The following FBXL17 variants were observed in gnomAD, a reference collection of about 807,000 sequenced individuals.
FBXL17 encodes F-box and leucine rich repeat protein 17.
Under a neutral mutation model 66.2 loss-of-function variants are expected in FBXL17, and 22 were observed. The ratio of observed to expected loss-of-function variants is 0.33; its 90% CI spans 0.24 to 0.47. The LOEUF is 0.47. Among genes scored for constraint, FBXL17 ranks in the 20% least tolerant of loss-of-function variants. The pLI, the probability that FBXL17 is intolerant of heterozygous loss-of-function variation, is 1.00. For synonymous variants in FBXL17, 474 were observed against 400.5 expected, an observed-to-expected ratio of 1.18 and a Z score of -2.19; for missense variants, 878 against 948.2, an observed-to-expected ratio of 0.93 and a Z score of 0.97.
chr5:108,170,077 C>G (rs550538161), intron 6 of FBXL17, among the ~76,000 whole-genome samples: 25 of 152,034 alleles, frequency 1.6e-4, no homozygotes, highest in Non-Finnish European at 2.9e-4. Context: ...TATATTCACA[C>G]ATAGCAAAAT....
intron 5 of FBXL17, among the ~76,000 whole-genome samples, chr5:108,211,936 T>G (rs972518574): frequency 6.6e-6 from 1 of 152,150 alleles, no homozygotes; most frequent in African/African-American, 2.4e-5. Flanking sequence ...CAACTTGGTT[T>G]CATTCTCCCC....
At chr5:108,175,406 A>C (rs34387) in intron 6 of FBXL17, among the ~76,000 whole-genome samples, 118,645 of 152,148 alleles carry the variant, frequency 0.78, 47,070 homozygotes, top group East Asian at 0.93. Flanking sequence ...ATTACAATCA[A>C]CATTATTATT....
chr5:108,199,356 T>C (rs1042941882), intron 5 of FBXL17, among the ~76,000 whole-genome samples: 2 of 152,208 alleles, frequency 1.3e-5, no homozygotes, highest in African/African-American at 4.8e-5. Context: ...GTTAACTTCT[T>C]TAGTCAAATA....
At chr5:108,376,970 A>T (rs952035395) in intron 1 of FBXL17, among the ~76,000 whole-genome samples, 2 of 152,032 alleles carry the variant, frequency 1.3e-5, no homozygotes, top group African/African-American at 2.4e-5. Context: ...GTCTGGCCCT[A>T]AACTGTGGAA....
intron 6 of FBXL17, among the ~76,000 whole-genome samples, chr5:108,108,388 G>C (rs1221486300): frequency 2.0e-5 from 3 of 152,178 alleles, no homozygotes; most frequent in East Asian, 1.9e-4. Flanking sequence ...TAAACAATCA[G>C]ATGAACCTTA....
intron 4 of FBXL17, among the ~76,000 whole-genome samples, chr5:108,334,239 T>C (rs1760270516): frequency 6.6e-6 from 1 of 152,222 alleles, no homozygotes; most frequent in Non-Finnish European, 1.5e-5. Context: ...TGACTTCTAA[T>C]TCACTGTACA....
At position 108,154,385 on chromosome 5, in the gene FBXL17, G is replaced by A. The variant is rs187453424; in HGVS notation, c.1745+31732C>T. Among the ~76,000 whole-genome samples the A allele has an allele frequency of 3.0e-3, 456 of 150,650 alleles. 3 individuals are homozygous for A. Among genetic ancestry groups the A allele is most frequent in the African/African-American group, 0.011 (443 of 41,084 alleles). Reference sequence around the variant, plus strand: ...GAGGCAGGCGGATCACCTGAGGTCAGGAGTTCGAGACCAGCCTCAACATGG... The same window carrying A: ...GAGGCAGGCGGATCACCTGAGGTCAAGAGTTCGAGACCAGCCTCAACATGG... On this transcript the variant is annotated intron_variant, in intron 6 of 8. Transcript: ENST00000542267.
At chr5:108,301,740 AC>A (rs147811460) in intron 4 of FBXL17, among the ~76,000 whole-genome samples, 1,639 of 151,880 alleles carry the variant, frequency 0.011, 15 homozygotes, top group Non-Finnish European at 0.016. Context: ...ATAACTATCC[AC>A]CAAGAGACAG....
At chr5:108,163,404 T>TTC (rs1409132454) in intron 6 of FBXL17, among the ~76,000 whole-genome samples, 752 of 72,720 alleles carry the variant, frequency 0.01, 6 homozygotes, top group African/African-American at 0.022. Flanking sequence ...TTTTTCTTTT[T>TTC]TTTTTTTTTT....
intron 6 of FBXL17, among the ~76,000 whole-genome samples, chr5:108,157,969 A>G (rs1047277353): frequency 6.6e-6 from 1 of 152,122 alleles, no homozygotes; most frequent in African/African-American, 2.4e-5. Flanking sequence ...AGTTCACAGA[A>G]AAAGCAAGAA....
At chr5:107,966,859 T>A (rs1752162426) in intron 7 of FBXL17, among the ~76,000 whole-genome samples, 1 of 152,122 alleles carries the variant, frequency 6.6e-6, no homozygotes, top group East Asian at 1.9e-4. Flanking sequence ...GTTTTAGGAG[T>A]ACGGTGATCT....
chr5:108,235,914 G>C (rs1370101326), intron 4 of FBXL17, among the ~76,000 whole-genome samples: 6 of 152,176 alleles, frequency 3.9e-5, no homozygotes, highest in African/African-American at 9.6e-5. Context: ...AAGAAAAACA[G>C]AACTATTGAT....
At chr5:107,903,597 G>T (rs1749645256) in intron 7 of FBXL17, among the ~76,000 whole-genome samples, 1 of 152,108 alleles carries the variant, frequency 6.6e-6, no homozygotes, top group South Asian at 2.1e-4. Flanking sequence ...TTCACATTGA[G>T]GTCTGCCTGG....
chr5:108,216,641 C>T (rs1754609774), intron 5 of FBXL17, among the ~76,000 whole-genome samples: 1 of 151,882 alleles, frequency 6.6e-6, no homozygotes, highest in Admixed American at 6.6e-5. Flanking sequence ...TATGCCTTAC[C>T]TCATATACTG....
chr5:108,202,039 G>A (rs1380798391), intron 5 of FBXL17, among the ~76,000 whole-genome samples: 1 of 151,960 alleles, frequency 6.6e-6, no homozygotes, highest in Non-Finnish European at 1.5e-5. Context: ...GATAATATAA[G>A]CAAAGCAAAA....
intron 5 of FBXL17, among the ~76,000 whole-genome samples, chr5:108,206,879 C>T (rs1316861023): frequency 6.6e-6 from 1 of 151,930 alleles, no homozygotes; most frequent in South Asian, 2.1e-4. Flanking sequence ...GAGTAAATAC[C>T]GAGTCGTGAA....
In FBXL17 at chr5:108,165,308, T is replaced by C. The variant is rs181874346; in HGVS notation, c.1745+20809A>G. Among the ~76,000 whole-genome samples the C allele has an allele frequency of 1.4e-4, 20 of 141,922 alleles. No homozygotes were observed. In the Middle Eastern group the frequency reaches 0.01, roughly 73 times the overall value. The allele number at this position is 141,922 out of a possible 152,430, so 93.1% of individuals were successfully genotyped here. A position where few individuals can be genotyped will look rare whatever the true frequency, so the allele number is the denominator to read the frequency against. On this transcript the variant is annotated intron_variant, in intron 6 of 8. Coordinates refer to ENST00000542267, the MANE Select transcript of FBXL17 (RefSeq NM_001163315.3). ...CAGAAGGAAGTGGGTAAGTTACACA[T>C]GGATATGCACATAACTGAAAAGATG... is the stretch of plus-strand genomic sequence containing the variant.
intron 6 of FBXL17, among the ~76,000 whole-genome samples, chr5:108,061,079 G>A (rs916805994): frequency 6.6e-6 from 1 of 152,004 alleles, no homozygotes. Flanking sequence ...CTGAGGTCAG[G>A]AGTTCAAGGC....
intron 4 of FBXL17, among the ~76,000 whole-genome samples, chr5:108,257,066 G>A (rs1214145369): frequency 2.0e-5 from 3 of 152,148 alleles, no homozygotes; most frequent in Non-Finnish European, 2.9e-5. Context: ...ATTAGGCTTG[G>A]ATCACAAACT....
Sources: gnomAD v4.1 joint callset for allele counts (sites outside exome capture counted in the v4.1 genomes callset) on GRCh38, gnomAD v4.1.1 for gene constraint, MANE v1.5 for transcripts, NCBI Gene and HGNC (gene_info 2026-07-23, HGNC 2026-07-21) for gene names.